The following ME2 variants were observed in gnomAD, a reference collection of about 807,000 sequenced individuals.
ME2 encodes the protein NAD-dependent malic enzyme, mitochondrial.
In ME2, 60 loss-of-function variants were observed where a neutral mutation model predicts 73.7. The ratio of observed to expected loss-of-function variants is 0.81; its 90% CI spans 0.66 to 1.01. ME2 has a LOEUF of 1.01. ME2 is among the 50% of genes least tolerant of loss of function. The pLI, the probability that ME2 is intolerant of heterozygous loss-of-function variation, is 0.00. For synonymous variants in ME2, 199 were observed against 236.9 expected (o/e 0.84, Z 1.47); for missense variants, 594 against 705.5 (o/e 0.84, Z 1.79).
At chr18:50,908,252 G>A (rs1599100895) in intron 3 of ME2, 56 bp downstream of exon 3, 4 of 1,287,502 alleles carry the variant, frequency 3.1e-6, no homozygotes, top group South Asian at 1.6e-5. Context: ...GAAAACTTAT[G>A]AGCATTATGG....
intron 12 of ME2, among the ~76,000 whole-genome samples, chr18:50,928,274 G>A (rs560442991): frequency 4.9e-5 from 7 of 141,968 alleles, no homozygotes; most frequent in Non-Finnish European, 9.2e-5. Flanking sequence ...GAGATGAAGC[G>A]TCACTGTGTT....
chr18:50,929,226 C>T (rs1469894174), intron 12 of ME2, among the ~76,000 whole-genome samples: 1 of 150,684 alleles, frequency 6.6e-6, no homozygotes, highest in Non-Finnish European at 1.5e-5. Flanking sequence ...TGCCTGTAAT[C>T]CCAGCACTTT....
intron 2 of ME2, among the ~76,000 whole-genome samples, chr18:50,905,230 C>A (rs991555975): frequency 6.6e-6 from 1 of 152,080 alleles, no homozygotes; most frequent in African/African-American, 2.4e-5. Context: ...CATGAACCAC[C>A]CACCTAAGGC....
At chr18:50,900,136 T>C (rs1916851234) in intron 2 of ME2, among the ~76,000 whole-genome samples, 1 of 152,092 alleles carries the variant, frequency 6.6e-6, no homozygotes, top group African/African-American at 2.4e-5. Context: ...TGAAGCTTCA[T>C]CTGTATTTAC....
chr18:50,901,915 G>GT (rs1196498925), intron 2 of ME2, among the ~76,000 whole-genome samples: 2 of 151,982 alleles, frequency 1.3e-5, no homozygotes, highest in Admixed American at 6.6e-5. Flanking sequence ...TGCTATCTAC[G>GT]TTTTTTTCTT....
At chr18:50,885,028 G>T (rs1176049195) in intron 1 of ME2, among the ~76,000 whole-genome samples, 1 of 152,064 alleles carries the variant, frequency 6.6e-6, no homozygotes, top group South Asian at 2.1e-4. Flanking sequence ...CTAATTTTTT[G>T]TGTTTTTAGT....
rs746259624 is a variant in ME2, at chr18:50,924,159, T to C, written c.1118T>C (p.Ile373Thr). 9 of 1,613,592 alleles carry C rather than the reference T, an allele frequency of 5.6e-6. No homozygotes were observed. Among genetic ancestry groups the C allele is most frequent in the Non-Finnish European group, 5.9e-6 (7 of 1,179,716 alleles). The part of the protein sequence containing the change: ...EPFTHSAPES[I>T]PDTFEDAVNI... Reference sequence around the variant, plus strand: ...TTTACTCACTCAGCCCCAGAGAGCATACCTGATACTTTTGAAGATGCAGTG... The same window carrying C: ...TTTACTCACTCAGCCCCAGAGAGCACACCTGATACTTTTGAAGATGCAGTG... Residue 373 changes from isoleucine (I) to threonine (T), a missense_variant, in exon 11 of 16, where the codon ATA (isoleucine) becomes ACA (threonine). Physicochemically the swap from Ile to Thr is moderately conservative, Grantham distance 89. Transcript: ENST00000321341.
chr18:50,900,190 C>T (rs1407943897), intron 2 of ME2, among the ~76,000 whole-genome samples: 1 of 150,728 alleles, frequency 6.6e-6, no homozygotes, highest in African/African-American at 2.4e-5. Flanking sequence ...TTTCATCTTA[C>T]AAAGTCTTAA....
chr18:50,890,476 G>A (rs1916581839), intron 1 of ME2, among the ~76,000 whole-genome samples: 1 of 152,060 alleles, frequency 6.6e-6, no homozygotes, highest in African/African-American at 2.4e-5. Context: ...ATCTCAGTCA[G>A]CTTTGACCAC....
chr18:50,895,680 C>A, intron 1 of ME2, 129 bp from the exon 2 acceptor site: 1 of 623,188 alleles, frequency 1.6e-6, no homozygotes, highest in Non-Finnish European at 2.8e-6. Flanking sequence ...TCACCTTCGC[C>A]TCTTGTTACC....
rs986190677 is a variant in ME2 at position 50,954,013 on chromosome 18, C to T, written c.*6829C>T. ...CACGTATTGCAAGTCATTGCTTAGC[C>T]TTTCACATCTGAGTGTTGATAAGAT... On this transcript the variant is annotated 3_prime_UTR_variant, in exon 16 of 16. Transcript: ENST00000321341. 2.0e-5 allele frequency: 3 copies of T among 152,194 alleles called. No homozygotes were observed. Among genetic ancestry groups the T allele is most frequent in the Admixed American group, 6.5e-5 (1 of 15,274 alleles). 9.4% of individuals were successfully genotyped at this position (152,194 alleles called of 1,614,324 possible).
chr18:50,887,990 A>G (rs1916514885), intron 1 of ME2, among the ~76,000 whole-genome samples: 1 of 152,240 alleles, frequency 6.6e-6, no homozygotes, highest in Non-Finnish European at 1.5e-5. Context: ...AAGATGGAAT[A>G]TCAGAAATAG....
intron 10 of ME2, among the ~76,000 whole-genome samples, chr18:50,923,072 CA>C (rs1179901024): frequency 6.6e-6 from 1 of 152,084 alleles, no homozygotes; most frequent in Non-Finnish European, 1.5e-5. Flanking sequence ...GGCTTTGTGG[CA>C]TTACTACAAA....
At chr18:50,943,657 A>G (rs1309696453) in intron 15 of ME2, among the ~76,000 whole-genome samples, 2 of 152,096 alleles carry the variant, frequency 1.3e-5, no homozygotes, top group Non-Finnish European at 2.9e-5. Flanking sequence ...CTAAGCAAAG[A>G]TTGGGAATTG....
intron 1 of ME2, among the ~76,000 whole-genome samples, chr18:50,893,124 CAAAAAAAAAAAAAA>C (rs56104427): frequency 1.3e-5 from 1 of 78,122 alleles, no homozygotes; most frequent in Non-Finnish European, 2.4e-5. Context: ...GACTCTATCT[CAAAAAAAAAAAAAA>C]AAAAAAAAAA....
chr18:50,910,355 C>T (rs557222219), intron 3 of ME2, among the ~76,000 whole-genome samples: 2 of 139,448 alleles, frequency 1.4e-5, no homozygotes, highest in African/African-American at 2.7e-5. Context: ...AGGAGGATAA[C>T]TTAAGCCCAG....
chr18:50,888,701 G>C (rs1916538804), intron 1 of ME2, among the ~76,000 whole-genome samples: 1 of 151,958 alleles, frequency 6.6e-6, no homozygotes, highest in Non-Finnish European at 1.5e-5. Context: ...TTATGTACTT[G>C]GTAATATGAT....
chr18:50,951,866 C>CAAAAA lies in ME2; in HGVS notation c.*4715_*4719dup, dbSNP rs757175835. On this transcript the variant is annotated 3_prime_UTR_variant, in exon 16 of 16. Coordinates refer to ENST00000321341, the MANE Select transcript of ME2 (RefSeq NM_002396.5). ...TGGGCGACAGAGTGAGCCTCCATCT[C>CAAAAA]AAAAAAAAAAAAAAAAAAAAAAAAA... The CAAAAA allele has an allele frequency of 1.4e-5, 1 of 71,340 alleles. No individual in the cohort carries two copies. Among genetic ancestry groups the CAAAAA allele is most frequent in the African/African-American group, 6.4e-5 (1 of 15,504 alleles). 4.4% of individuals were successfully genotyped at this position (71,340 alleles called of 1,614,324 possible).
At chr18:50,888,389 T>C (rs1738232580) in intron 1 of ME2, among the ~76,000 whole-genome samples, 1 of 151,484 alleles carries the variant, frequency 6.6e-6, no homozygotes, top group African/African-American at 2.4e-5. Context: ...AAATTTTGTC[T>C]TGAAAAATGG....
Sources: allele counts gnomAD v4.1 joint callset (sites outside exome capture counted in the v4.1 genomes callset), GRCh38; gene constraint gnomAD v4.1.1; transcripts MANE v1.5; gene names NCBI Gene and HGNC (gene_info 2026-07-23, HGNC 2026-07-21).